The following SLC25A21 variants were observed in gnomAD, a reference collection of about 807,000 sequenced individuals.
The protein encoded by SLC25A21 is mitochondrial 2-oxodicarboxylate carrier.
A neutral mutation model predicts 43.8 loss-of-function variants in SLC25A21; 47 were observed. The observed-to-expected ratio is 1.07, with a 90% CI of 0.85 to 1.37. The LOEUF (loss-of-function observed/expected upper bound fraction) is 1.37. SLC25A21 is among the 40% of genes most tolerant of loss of function. SLC25A21 has a pLI of 0.00. For synonymous variants in SLC25A21, 131 were observed against 121.3 expected (o/e 1.08, Z -0.52); for missense variants, 352 against 350.2 (o/e 1.00, Z -0.04).
rs182114453 is a variant in SLC25A21 at position 36,916,066 on chromosome 14, G to C, written c.71-41062C>G. Among the ~76,000 whole-genome samples the C allele has an allele frequency of 6.1e-3, 922 of 152,288 alleles. 13 individuals are homozygous for C. Among genetic ancestry groups the C allele is most frequent in the Middle Eastern group, 0.024 (7 of 294 alleles). On this transcript the variant is annotated intron_variant, in intron 1 of 9. Transcript: ENST00000331299. Reference sequence around the variant, plus strand: ...AAAGAGATGTTCAAAACTTTTGCAAGACTTGAGAAAACAAAGAAGTAAAAT... The same window carrying C: ...AAAGAGATGTTCAAAACTTTTGCAACACTTGAGAAAACAAAGAAGTAAAAT...
chr14:36,724,390 G>A (rs1416793567), intron 6 of SLC25A21, among the ~76,000 whole-genome samples: 2 of 152,198 alleles, frequency 1.3e-5, no homozygotes, highest in Non-Finnish European at 2.9e-5. Flanking sequence ...CAGCAGGCAG[G>A]AAGTGGGGTG....
chr14:36,742,698 G>C (rs1402978233), intron 3 of SLC25A21, among the ~76,000 whole-genome samples: 1 of 152,186 alleles, frequency 6.6e-6, no homozygotes, highest in Non-Finnish European at 1.5e-5. Flanking sequence ...TCAAGGAAGT[G>C]CACATAAGCT....
At chr14:36,842,262 T>A (rs927756379) in intron 2 of SLC25A21, among the ~76,000 whole-genome samples, 2 of 152,172 alleles carry the variant, frequency 1.3e-5, no homozygotes, top group African/African-American at 4.8e-5. Flanking sequence ...CCTGGGGCAA[T>A]GATATGCCCC....
intron 7 of SLC25A21, among the ~76,000 whole-genome samples, chr14:36,686,427 G>C (rs944540130): frequency 5.9e-5 from 9 of 152,112 alleles, no homozygotes; most frequent in African/African-American, 2.2e-4. Context: ...AGCAGAACTG[G>C]AGCTCAGGAG....
chr14:36,711,573 T>A (rs1425456812), intron 6 of SLC25A21, 91 bp from the exon 7 acceptor site: 2 of 1,383,568 alleles, frequency 1.4e-6, no homozygotes, highest in Non-Finnish European at 1.9e-6. Context: ...AAGCCAGAAT[T>A]ATTAGGGACT....
intron 2 of SLC25A21, among the ~76,000 whole-genome samples, chr14:36,844,341 T>G (rs1187078397): frequency 6.6e-6 from 1 of 152,204 alleles, no homozygotes; most frequent in South Asian, 2.1e-4. Context: ...CCTGGTAACG[T>G]GCTGGCACAG....
At chr14:36,898,175 G>A (rs1013016505) in intron 1 of SLC25A21, among the ~76,000 whole-genome samples, 1 of 152,176 alleles carries the variant, frequency 6.6e-6, no homozygotes, top group African/African-American at 2.4e-5. Context: ...GCTGCAGTGG[G>A]CTACACCCAG....
At chr14:36,682,213 T>C (rs1882306607) in intron 9 of SLC25A21, among the ~76,000 whole-genome samples, 1 of 152,050 alleles carries the variant, frequency 6.6e-6, no homozygotes, top group South Asian at 2.1e-4. Context: ...GAAAAAAATT[T>C]CACCCTTCAT....
chr14:37,153,114 C>A (rs1015783260), intron 1 of SLC25A21, among the ~76,000 whole-genome samples: 2 of 152,130 alleles, frequency 1.3e-5, no homozygotes, highest in Admixed American at 1.3e-4. Flanking sequence ...CAATCCTAGC[C>A]ACAGGAGAGC....
intron 3 of SLC25A21, among the ~76,000 whole-genome samples, chr14:36,769,485 A>G (rs1886539896): frequency 6.6e-6 from 1 of 152,224 alleles, no homozygotes; most frequent in Non-Finnish European, 1.5e-5. Flanking sequence ...TTTAAATTAA[A>G]AATACTAGTG....
intron 1 of SLC25A21, among the ~76,000 whole-genome samples, chr14:37,140,143 T>C (rs923410225): frequency 6.6e-6 from 1 of 152,334 alleles, no homozygotes; most frequent in African/African-American, 2.4e-5. Flanking sequence ...GTGGTAGTTA[T>C]GGTTTTCTGA....
chr14:36,875,693 C>T (rs1254688765), intron 1 of SLC25A21, among the ~76,000 whole-genome samples: 5 of 152,106 alleles, frequency 3.3e-5, no homozygotes, highest in Admixed American at 2.0e-4. Context: ...TTGTCTAAGA[C>T]GTTACATCTA....
intron 1 of SLC25A21, among the ~76,000 whole-genome samples, chr14:37,008,253 T>C (rs1960652726): frequency 6.6e-6 from 1 of 152,188 alleles, no homozygotes; most frequent in Non-Finnish European, 1.5e-5. Context: ...AGGCTTCTTC[T>C]TAATCTAAAT....
chr14:36,865,600 A>G (rs551369912), intron 2 of SLC25A21, among the ~76,000 whole-genome samples: 1 of 150,954 alleles, frequency 6.6e-6, no homozygotes, highest in South Asian at 2.1e-4. Flanking sequence ...ACACTTAAGA[A>G]AAAAAAAAAG....
At chr14:37,040,440 A>T (rs559283140) in intron 1 of SLC25A21, among the ~76,000 whole-genome samples, 4 of 48,674 alleles carry the variant, frequency 8.2e-5, no homozygotes, top group Admixed American at 6.3e-4. Context: ...AGAAAGAAAG[A>T]AAAGAAAAAT....
At chr14:36,706,580 G>A (rs111484957) in intron 7 of SLC25A21, among the ~76,000 whole-genome samples, 204 of 152,252 alleles carry the variant, frequency 1.3e-3, no homozygotes, top group African/African-American at 4.8e-3. Flanking sequence ...GGCAGAGCCC[G>A]TAATATTCCT....
chr14:36,845,203 A>C (rs1889503780), intron 2 of SLC25A21, among the ~76,000 whole-genome samples: 1 of 152,164 alleles, frequency 6.6e-6, no homozygotes, highest in South Asian at 2.1e-4. Flanking sequence ...ATTTAACTAA[A>C]ACTCACCCTG....
chr14:37,051,780 T>C (rs1485993506), intron 1 of SLC25A21, among the ~76,000 whole-genome samples: 1 of 152,204 alleles, frequency 6.6e-6, no homozygotes, highest in Non-Finnish European at 1.5e-5. Context: ...CAAAGAAACC[T>C]GTGTGACCAG....
chr14:36,771,453 G>A (rs1431519054), intron 3 of SLC25A21, among the ~76,000 whole-genome samples: 1 of 152,028 alleles, frequency 6.6e-6, no homozygotes, highest in East Asian at 1.9e-4. Flanking sequence ...CTCAAGGTAT[G>A]TAAACACAGC....
Sources: gnomAD v4.1 joint callset for allele counts (sites outside exome capture counted in the v4.1 genomes callset) on GRCh38, gnomAD v4.1.1 for gene constraint, MANE v1.5 for transcripts, NCBI Gene and HGNC (gene_info 2026-07-23, HGNC 2026-07-21) for gene names.